FRMPD4: variants seen among roughly 807,000 people sequenced by gnomAD.
FRMPD4 encodes the protein FERM and PDZ domain-containing protein 4.
FRMPD4 carries 22 observed loss-of-function variants against 94.1 expected under a neutral mutation model. The ratio of observed to expected loss-of-function variants is 0.23; its 90% CI spans 0.17 to 0.33. The LOEUF (loss-of-function observed/expected upper bound fraction) is 0.33. Among genes scored for constraint, FRMPD4 ranks in the 10% least tolerant of loss-of-function variants. FRMPD4 has a pLI of 1.00. For missense variants in FRMPD4, 1,111 were observed against 1,339.9 expected (o/e 0.83, Z 2.67); for synonymous variants, 631 against 548.6 (o/e 1.15, Z -2.10).
intron 1 of FRMPD4, among the ~76,000 whole-genome samples, chrX:12,331,862 T>TA (rs1726332298): frequency 2.1e-5 from 1 of 48,313 alleles, no homozygotes; most frequent in African/African-American, 1.1e-4. Context: ...ATAAATTATA[T>TA]ATATTTATAT....
At chrX:12,216,579 T>C (rs1333827515) in intron 1 of FRMPD4, among the ~76,000 whole-genome samples, 1 of 111,391 alleles carries the variant, frequency 9.0e-6, no homozygotes, top group Non-Finnish European at 1.9e-5. Context: ...CTTTGGAATA[T>C]AAAATCCACC....
At chrX:11,875,572 C>A (rs1339418075) in intron 2 of FRMPD4, among the ~76,000 whole-genome samples, 1 of 111,988 alleles carries the variant, frequency 8.9e-6, no homozygotes, top group Non-Finnish European at 1.9e-5. Context: ...CTGTGAATTT[C>A]CCAAGGCCAA....
intron 1 of FRMPD4, among the ~76,000 whole-genome samples, chrX:12,204,959 G>C (rs185865630): frequency 1.3e-4 from 14 of 110,423 alleles, no homozygotes; most frequent in Non-Finnish European, 3.8e-5. Context: ...GTCTTTCTTT[G>C]TTCAATTGCT....
At chrX:11,847,370 A>C (rs2053584136) in intron 1 of FRMPD4, among the ~76,000 whole-genome samples, 1 of 105,396 alleles carries the variant, frequency 9.5e-6, no homozygotes, top group Non-Finnish European at 1.9e-5. Context: ...ATCATTAAAA[A>C]GTCAGGAAAC....
chrX:12,390,752 T>C (rs1272834841), intron 1 of FRMPD4, among the ~76,000 whole-genome samples: 1 of 112,250 alleles, frequency 8.9e-6, no homozygotes, highest in Non-Finnish European at 1.9e-5. Context: ...TCCATCGATA[T>C]GGCCAATTTT....
At chrX:12,153,179 A>T (rs1048003540) in intron 1 of FRMPD4, among the ~76,000 whole-genome samples, 1 of 109,784 alleles carries the variant, frequency 9.1e-6, no homozygotes, top group Admixed American at 9.6e-5. Flanking sequence ...CTCATGATCC[A>T]CCCGCCTCGG....
intron 4 of FRMPD4, among the ~76,000 whole-genome samples, chrX:12,639,552 A>T: frequency 8.9e-6 from 1 of 112,346 alleles, no homozygotes; most frequent in East Asian, 2.8e-4. Context: ...TGCTATATAC[A>T]TTGTAAACGT....
chrX:12,091,019 T>C (rs963087948), intron 3 of FRMPD4, among the ~76,000 whole-genome samples: 1 of 112,096 alleles, frequency 8.9e-6, no homozygotes, highest in Non-Finnish European at 1.9e-5. Context: ...TTGGAGAGTA[T>C]TAGAATGGCA....
chrX:12,070,157 T>C (rs6530475), intron 3 of FRMPD4, among the ~76,000 whole-genome samples: 7,925 of 110,129 alleles, frequency 0.072, 281 homozygotes, highest in East Asian at 0.23. Context: ...TGAGAGACAG[T>C]TGCTAAAGTC....
intron 1 of FRMPD4, among the ~76,000 whole-genome samples, chrX:11,860,336 T>C (rs1251886683): frequency 2.7e-5 from 3 of 112,034 alleles, no homozygotes; most frequent in Non-Finnish European, 5.6e-5. Context: ...GGATCATCTA[T>C]GGGATCTTGG....
At chrX:12,053,400 AAGAAAGAAAG>A (rs1207631333) in intron 3 of FRMPD4, among the ~76,000 whole-genome samples, 2 of 102,365 alleles carry the variant, frequency 2.0e-5, no homozygotes, top group African/African-American at 3.5e-5. Context: ...GAAAGAAAGA[AAGAAAGAAAG>A]AAAGAAAGAA....
intron 1 of FRMPD4, among the ~76,000 whole-genome samples, chrX:12,371,993 A>G (rs1322522344): frequency 8.9e-6 from 1 of 112,335 alleles, no homozygotes; most frequent in Admixed American, 9.4e-5. Context: ...TCTGAAATTC[A>G]TGTTTAACTG....
At chrX:12,571,803 G>A (rs1482927070) in intron 2 of FRMPD4, among the ~76,000 whole-genome samples, 1 of 112,106 alleles carries the variant, frequency 8.9e-6, no homozygotes, top group Non-Finnish European at 1.9e-5. Flanking sequence ...AAATTTCCCA[G>A]CTCTAAAGCT....
At chrX:12,014,383 G>A (rs1056786449) in intron 3 of FRMPD4, among the ~76,000 whole-genome samples, 20 of 111,907 alleles carry the variant, frequency 1.8e-4, no homozygotes, top group Non-Finnish European at 3.8e-4. Context: ...AATTTATAAT[G>A]ACAAGTGAAT....
intron 1 of FRMPD4, among the ~76,000 whole-genome samples, chrX:12,165,267 T>A (rs1206250380): frequency 8.9e-6 from 1 of 112,694 alleles, no homozygotes; most frequent in Non-Finnish European, 1.9e-5. Flanking sequence ...TTTCTACATA[T>A]GGCCAGCCAG....
Position 12,062,966 on chromosome X carries a change from G to A in FRMPD4, c.95+184948G>A, listed in dbSNP as rs191646251. On this transcript the variant is annotated intron_variant, in intron 3 of 18. Transcript: ENST00000640291. Reference sequence around the variant, plus strand: ...ACTTCCAGTCCAATGTTGATTAGTCGAGATGAGAATGGGTATGTTTGCCTT... The same window carrying A: ...ACTTCCAGTCCAATGTTGATTAGTCAAGATGAGAATGGGTATGTTTGCCTT... 3.5e-4 allele frequency among the ~76,000 whole-genome samples: 39 copies of A among 111,790 alleles called. No individual in the cohort carries two copies. In the Admixed American group the frequency reaches 3.5e-3, roughly 10 times the overall value.
At chrX:12,318,898 T>TA (rs199596649) in intron 1 of FRMPD4, among the ~76,000 whole-genome samples, 39 of 106,538 alleles carry the variant, frequency 3.7e-4, no homozygotes, top group African/African-American at 9.2e-4. Flanking sequence ...AAAAAATAAT[T>TA]AAAAAAAAAA....
At chrX:12,325,187 A>G (rs751277515) in intron 1 of FRMPD4, among the ~76,000 whole-genome samples, 1 of 112,574 alleles carries the variant, frequency 8.9e-6, no homozygotes, top group Admixed American at 9.4e-5. Flanking sequence ...CATGTGTAAT[A>G]CATCTTTTAA....
chrX:12,241,113 C>T (rs780160180), intron 1 of FRMPD4, among the ~76,000 whole-genome samples: 181 of 112,336 alleles, frequency 1.6e-3, no homozygotes, highest in Middle Eastern at 4.6e-3. Flanking sequence ...TTCTCAATAT[C>T]AGTAATAACT....
Sources: allele counts gnomAD v4.1 joint callset (sites outside exome capture counted in the v4.1 genomes callset), GRCh38; gene constraint gnomAD v4.1.1; transcripts MANE v1.5; gene names NCBI Gene and HGNC (gene_info 2026-07-23, HGNC 2026-07-21).